The following ALCAM variants were observed in gnomAD, a reference collection of about 807,000 sequenced individuals.
The protein encoded by ALCAM is CD166 antigen.
ALCAM carries 30 observed loss-of-function variants against 70.9 expected under a neutral mutation model. The observed-to-expected ratio is 0.42, with a 90% CI of 0.32 to 0.57. The LOEUF is 0.57. Ranked by LOEUF, ALCAM falls within the 20% of genes least tolerant of loss-of-function variation. The pLI, the probability that ALCAM is intolerant of heterozygous loss-of-function variation, is 0.11. For synonymous variants in ALCAM, 249 were observed against 242.5 expected, an observed-to-expected ratio of 1.03 and a Z score of -0.25; for missense variants, 591 against 695.1, an observed-to-expected ratio of 0.85 and a Z score of 1.68.
chr3:105,534,642 A>C (rs1939924075), intron 5 of ALCAM, 21 bp from the exon 6 acceptor site: 1 of 1,607,560 alleles, frequency 6.2e-7, no homozygotes, highest in East Asian at 2.2e-5. Context: ...CCCTATCATC[A>C]GTGTTCTTTA....
At chr3:105,376,899 G>C (rs1006117885) in intron 1 of ALCAM, among the ~76,000 whole-genome samples, 1 of 152,138 alleles carries the variant, frequency 6.6e-6, no homozygotes, top group African/African-American at 2.4e-5. Flanking sequence ...GAAAACTAAA[G>C]AAGTTTTGAA....
In ALCAM at chr3:105,552,394, G is replaced by A. The variant is rs118123949; in HGVS notation, c.1547-74G>A. 1,538 of 1,478,160 alleles carry A rather than the reference G, an allele frequency of 1.0e-3. 31 individuals are homozygous for A. The East Asian group carries it at 0.031, about 29-fold the overall frequency. 91.6% of individuals were successfully genotyped at this position (1,478,160 alleles called of 1,614,324 possible). ...GAGCTTTAGTCATTTTTAATACAAA[G>A]TAATAGCTAGATTGACTTTCTGAAA... On this transcript the variant is annotated intron_variant, in intron 13 of 15. Coordinates refer to ENST00000306107, the MANE Select transcript of ALCAM (RefSeq NM_001627.4).
At chr3:105,494,488 G>T (rs1460052692) in intron 1 of ALCAM, among the ~76,000 whole-genome samples, 2 of 144,662 alleles carry the variant, frequency 1.4e-5, no homozygotes. Context: ...TCTTTTTTCG[G>T]CCTAAGCAGG....
At chr3:105,386,817 C>T (rs375868745) in intron 1 of ALCAM, among the ~76,000 whole-genome samples, 18 of 151,554 alleles carry the variant, frequency 1.2e-4, no homozygotes, top group African/African-American at 4.1e-4. Flanking sequence ...CAGGAATGAC[C>T]AGATAACTAG....
intron 1 of ALCAM, among the ~76,000 whole-genome samples, chr3:105,445,264 G>A (rs1329313224): frequency 6.6e-6 from 1 of 152,076 alleles, no homozygotes; most frequent in African/African-American, 2.4e-5. Context: ...CCAAGGAGGT[G>A]AAAGATTACT....
At chr3:105,539,640 T>A (rs1045329142) in intron 6 of ALCAM, among the ~76,000 whole-genome samples, 4 of 152,104 alleles carry the variant, frequency 2.6e-5, no homozygotes, top group Non-Finnish European at 5.9e-5. Context: ...ATATAATATA[T>A]AATTAAATTT....
intron 1 of ALCAM, among the ~76,000 whole-genome samples, chr3:105,491,738 C>T (rs539494329): frequency 6.6e-6 from 1 of 152,168 alleles, no homozygotes; most frequent in Non-Finnish European, 1.5e-5. Flanking sequence ...CAACAAGTTC[C>T]TCATCTCTAT....
intron 1 of ALCAM, among the ~76,000 whole-genome samples, chr3:105,508,772 A>G (rs1235794765): frequency 6.6e-6 from 1 of 152,064 alleles, no homozygotes. Context: ...AATTTCTACT[A>G]TACAGTACAC....
chr3:105,377,173 T>C (rs1935398975), intron 1 of ALCAM, among the ~76,000 whole-genome samples: 1 of 152,166 alleles, frequency 6.6e-6, no homozygotes, highest in African/African-American at 2.4e-5. Context: ...CACCTATAGC[T>C]CTACCTCATT....
chr3:105,415,951 T>G (rs894731497), intron 1 of ALCAM, among the ~76,000 whole-genome samples: 1 of 152,094 alleles, frequency 6.6e-6, no homozygotes, highest in Non-Finnish European at 1.5e-5. Flanking sequence ...CCATTGTATC[T>G]CTATAATTTA....
At chr3:105,464,399 G>T (rs890485324) in intron 1 of ALCAM, among the ~76,000 whole-genome samples, 1 of 151,202 alleles carries the variant, frequency 6.6e-6, no homozygotes, top group East Asian at 1.9e-4. Context: ...TAACAAAGAC[G>T]TACAGGTGAC....
intron 14 of ALCAM, among the ~76,000 whole-genome samples, chr3:105,564,211 C>A (rs1056294315): frequency 6.6e-6 from 1 of 152,016 alleles, no homozygotes; most frequent in Non-Finnish European, 1.5e-5. Flanking sequence ...AATATTCTTA[C>A]CCTTACTTAC....
At chr3:105,381,550 G>A (rs1296282131) in intron 1 of ALCAM, among the ~76,000 whole-genome samples, 1 of 151,866 alleles carries the variant, frequency 6.6e-6, no homozygotes, top group African/African-American at 2.4e-5. Context: ...TCATTGCATT[G>A]CAATCTTGAG....
intron 1 of ALCAM, among the ~76,000 whole-genome samples, chr3:105,400,577 T>C (rs140657295): frequency 2.6e-5 from 4 of 152,170 alleles, no homozygotes; most frequent in African/African-American, 7.2e-5. Context: ...ATTTTTAACA[T>C]TTTTTAGTCT....
At chr3:105,445,944 A>C (rs538674097) in intron 1 of ALCAM, among the ~76,000 whole-genome samples, 1 of 152,310 alleles carries the variant, frequency 6.6e-6, no homozygotes, top group South Asian at 2.1e-4. Context: ...ATAAGACCAC[A>C]AAAGCACAAG....
At chr3:105,525,117 T>C in intron 3 of ALCAM, 2 of 980,362 alleles carry the variant, frequency 2.0e-6, no homozygotes, top group Non-Finnish European at 2.4e-6. Flanking sequence ...TGATTTAGAT[T>C]TCAAAAAGTA....
At chr3:105,372,675 A>G (rs1218850339) in intron 1 of ALCAM, among the ~76,000 whole-genome samples, 1 of 152,110 alleles carries the variant, frequency 6.6e-6, no homozygotes, top group Non-Finnish European at 1.5e-5. Context: ...AATTCATAGT[A>G]CTTCAACACA....
chr3:105,518,840 G>A (rs1196199373), intron 1 of ALCAM, among the ~76,000 whole-genome samples: 1 of 152,028 alleles, frequency 6.6e-6, no homozygotes, highest in Non-Finnish European at 1.5e-5. Context: ...CATGAAGTGT[G>A]TGTTCTTTGT....
At chr3:105,539,936 T>G in intron 6 of ALCAM, 39 bp from the exon 7 acceptor site, 1 of 1,607,428 alleles carries the variant, frequency 6.2e-7, no homozygotes, top group South Asian at 1.1e-5. Flanking sequence ...AATTCGGTAC[T>G]TGACAAAAAT....
Sources: allele counts gnomAD v4.1 joint callset (sites outside exome capture counted in the v4.1 genomes callset), GRCh38; gene constraint gnomAD v4.1.1; transcripts MANE v1.5; gene names NCBI Gene and HGNC (gene_info 2026-07-23, HGNC 2026-07-21).